Variants in ABCA6 observed in about 807,000 individuals in gnomAD.
The protein encoded by ABCA6 is ATP-binding cassette sub-family A member 6.
In ABCA6, 164 loss-of-function variants were observed where a neutral mutation model predicts 191.2. That is an observed-to-expected ratio of 0.86 (90% CI 0.76 to 0.98). The LOEUF is 0.98. ABCA6 is among the 50% of genes least tolerant of loss of function. ABCA6 has a pLI of 0.00. For synonymous variants in ABCA6, 636 were observed against 647.7 expected (o/e 0.98, Z 0.27); for missense variants, 1,958 against 1,894.1 (o/e 1.03, Z -0.63).
intron 13 of ABCA6, among the ~76,000 whole-genome samples, chr17:69,114,487 C>G (rs1431113939): frequency 1.3e-5 from 2 of 151,990 alleles, no homozygotes; most frequent in Non-Finnish European, 2.9e-5. Flanking sequence ...CTGGGTGCAG[C>G]ACACCAACAT....
chr17:69,102,867 T>A lies in ABCA6; in HGVS notation c.2842A>T (p.Asn948Tyr), dbSNP rs1373264656. Residue 948 changes from asparagine (N) to tyrosine (Y), a missense_variant, in exon 21 of 39, where the codon AAT (asparagine) becomes TAT (tyrosine). Transcript: ENST00000284425. ...TTACCAGAAACTATGATAGCTCCATTGTATGAGAGGCCATCAGTACCATTT... is the reference window on the plus strand; with the variant it reads ...TTACCAGAAACTATGATAGCTCCATAGTATGAGAGGCCATCAGTACCATTT... ...NRNGTDGLSYNGAIIVSGKQK... is the reference protein window; with the variant it reads ...NRNGTDGLSYYGAIIVSGKQK... 1.3e-6 allele frequency: 2 copies of A among 1,594,326 alleles called. No individual in the cohort carries two copies. The highest frequency in any genetic ancestry group is 1.7e-6 in the Non-Finnish European group (2 of 1,174,426).
chr17:69,078,856 T>C lies in ABCA6; in HGVS notation c.*117A>G, dbSNP rs1174334700. The C allele has an allele frequency of 8.2e-6, 5 of 607,412 alleles. No homozygotes were observed. In the African/African-American group the frequency reaches 9.6e-5, roughly 12 times the overall value. 37.6% of individuals were successfully genotyped at this position (607,412 alleles called of 1,614,324 possible). ...AAAATTTATGTATTTGTTAACTAAA[T>C]TTACAAAATATACCTGATGTTAATT... On this transcript the variant is annotated 3_prime_UTR_variant, in exon 39 of 39. Coordinates refer to ENST00000284425, the MANE Select transcript of ABCA6 (RefSeq NM_080284.3).
Position 69,106,211 on chromosome 17 carries a change from T to C in ABCA6, c.2390A>G (p.Asp797Gly). The C allele has an allele frequency of 6.2e-7, 1 of 1,610,504 alleles. No individual in the cohort carries two copies. The highest frequency in any genetic ancestry group is 8.5e-7 in the Non-Finnish European group (1 of 1,178,708). The change falls in exon 19 of 39, where the codon GAT becomes GGT. Residue 797 changes from aspartate (D) to glycine (G), a missense_variant and splice_region_variant. Transcript: ENST00000284425. Reference protein sequence around the residue: ...KLEGQSTIEQDFEQVEMIRDS... With the variant: ...KLEGQSTIEQGFEQVEMIRDS... ...TCTTATCATCTCCACTTGTTCGAAA[T>C]CTATAAACACACACATACACAAACA...
intron 25 of ABCA6, chr17:69,094,384 G>A (rs2073000513): frequency 6.6e-6 from 1 of 152,294 alleles, no homozygotes; most frequent in Non-Finnish European, 1.5e-5. Context: ...ATGGGAAAAT[G>A]GTTTCTGCTC....
intron 13 of ABCA6, among the ~76,000 whole-genome samples, chr17:69,114,445 A>T (rs542742269): frequency 7.9e-5 from 12 of 151,818 alleles, no homozygotes; most frequent in African/African-American, 2.7e-4. Context: ...GGATAGCATT[A>T]GGAGATATAC....
rs1321177050 is a variant in ABCA6 at position 69,105,629 on chromosome 17, C to A, written c.2574-1G>T. 5 of 1,464,928 alleles carry A rather than the reference C, an allele frequency of 3.4e-6. No individual in the cohort carries two copies. In the Admixed American group the frequency reaches 8.1e-5, roughly 24 times the overall value. 90.7% of individuals were successfully genotyped at this position (1,464,928 alleles called of 1,614,324 possible). On this transcript the variant is annotated splice_acceptor_variant, in intron 19 of 38. Transcript: ENST00000284425. LOFTEE classifies it high-confidence loss of function. The stretch of plus-strand genomic sequence containing the variant: ...TATTGCGATTCCAAATACCAATAAT[C>A]TAAACAATAAAGAAAAATTAGCATA...
Position 69,106,044 on chromosome 17 carries a change from T to C in ABCA6, c.2557A>G (p.Lys853Glu), listed in dbSNP as rs751442270. 1.2e-6 allele frequency: 2 copies of C among 1,612,080 alleles called. No individual in the cohort carries two copies. The highest frequency in any genetic ancestry group is 8.5e-7 in the Non-Finnish European group (1 of 1,179,082). The change falls in exon 19 of 39, where the codon AAA (lysine) becomes GAA (glutamate). Residue 853 changes from lysine to glutamate, a missense_variant. Physicochemically the swap from Lys to Glu is moderately conservative, Grantham distance 56. Coordinates refer to ENST00000284425, the MANE Select transcript of ABCA6 (RefSeq NM_080284.3). ...LRFLKLKRQT[K>E]VLLTLLLVFG... The stretch of plus-strand genomic sequence containing the variant: ...CCTACTCACAGGGTCAATAACACTT[T>C]AGTTTGACGTTTTAACTTTAAGAAA...
chr17:69,122,355 A>T (rs1375033183), intron 10 of ABCA6, among the ~76,000 whole-genome samples: 2 of 152,078 alleles, frequency 1.3e-5, no homozygotes, highest in Non-Finnish European at 2.9e-5. Context: ...TTTGTAGAAA[A>T]ATCTACAAAG....
At chr17:69,101,017 G>A in intron 21 of ABCA6, 83 bp from the exon 22 acceptor site, 3 of 1,164,004 alleles carry the variant, frequency 2.6e-6, no homozygotes, top group African/African-American at 3.1e-5. Context: ...GATCCTAACA[G>A]TGCCACATGC....
intron 27 of ABCA6, 41 bp downstream of exon 27, chr17:69,089,424 C>A: frequency 1.3e-6 from 2 of 1,555,842 alleles, no homozygotes; most frequent in South Asian, 2.2e-5. Context: ...GAATGACAGT[C>A]ATCCAAAAGA....
At chr17:69,116,631 G>T (rs1033642093) in intron 11 of ABCA6, among the ~76,000 whole-genome samples, 1 of 152,032 alleles carries the variant, frequency 6.6e-6, no homozygotes, top group East Asian at 1.9e-4. Flanking sequence ...TCATACATTG[G>T]TGTGTTAATA....
At chr17:69,093,794 A>T (rs952422583) in intron 25 of ABCA6, among the ~76,000 whole-genome samples, 1 of 152,230 alleles carries the variant, frequency 6.6e-6, no homozygotes, top group Non-Finnish European at 1.5e-5. Flanking sequence ...AAATATGTAG[A>T]TTCCTTTCAG....
chr17:69,103,736 G>A (rs893241533), intron 20 of ABCA6, among the ~76,000 whole-genome samples: 7 of 152,040 alleles, frequency 4.6e-5, no homozygotes, highest in East Asian at 1.9e-4. Flanking sequence ...AAGATGACCC[G>A]TCAGGCCCCT....
chr17:69,123,296 G>T lies in ABCA6; in HGVS notation c.1379C>A (p.Pro460His). ...VIEKEIDAEH[P>H]SDDYFEPVAP... Reference sequence around the variant, plus strand: ...TACTGGTTCAAAATAATCATCAGAGGGATGCTCAGCATCGATTTCTTTCTC... The same window carrying T: ...TACTGGTTCAAAATAATCATCAGAGTGATGCTCAGCATCGATTTCTTTCTC... The change falls in exon 10 of 39, where the codon CCC (proline) becomes CAC (histidine). Residue 460 changes from proline (P) to histidine (H), a missense_variant. By Grantham distance (77) the Pro-to-His change is moderately conservative. Transcript: ENST00000284425. 2 of 1,561,660 alleles carry T rather than the reference G, an allele frequency of 1.3e-6. No individual in the cohort carries two copies. Among genetic ancestry groups the T allele is most frequent in the Non-Finnish European group, 1.7e-6 (2 of 1,147,898 alleles).
intron 27 of ABCA6, 127 bp from the exon 28 acceptor site, chr17:69,088,385 G>T: frequency 4.5e-6 from 3 of 671,900 alleles, no homozygotes; most frequent in Non-Finnish European, 7.1e-6. Context: ...AGCTGGGGGA[G>T]AAATGTAGCT....
chr17:69,130,088 G>A (rs1418454377), intron 6 of ABCA6, among the ~76,000 whole-genome samples: 1 of 152,028 alleles, frequency 6.6e-6, no homozygotes, highest in African/African-American at 2.4e-5. Flanking sequence ...GGCTGAGGTG[G>A]GCAGATCATT....
At position 69,140,760 on chromosome 17, in the gene ABCA6, T is replaced by G; in HGVS notation, c.-45-12A>C. 1.7e-6 allele frequency: 2 copies of G among 1,162,526 alleles called. No homozygotes were observed. The highest frequency in any genetic ancestry group is 2.4e-6 in the Non-Finnish European group (2 of 842,830). The allele number at this position is 1,162,526 out of a possible 1,614,324, so 72.0% of individuals were successfully genotyped here. A position where few individuals can be genotyped will look rare whatever the true frequency, so the allele number is the denominator to read the frequency against. On this transcript the variant is annotated splice_polypyrimidine_tract_variant and intron_variant, in intron 1 of 38. Transcript: ENST00000284425. ...TGGTGGAACACAACCTAGAAAAAAA[T>G]AAGTGTAATAAGAAAAACCTTGATC...
intron 18 of ABCA6, among the ~76,000 whole-genome samples, chr17:69,106,753 A>G (rs1174400779): frequency 6.6e-6 from 1 of 152,112 alleles, no homozygotes; most frequent in African/African-American, 2.4e-5. Context: ...AATGGTGATA[A>G]AAAATTAAAA....
chr17:69,087,328 T>A (rs774777364), intron 29 of ABCA6, 25 bp downstream of exon 29: 1 of 1,607,550 alleles, frequency 6.2e-7, no homozygotes, highest in South Asian at 1.1e-5. Context: ...TCCATTAATA[T>A]CCATTTTGCC....
Sources: gnomAD v4.1 joint callset for allele counts (sites outside exome capture counted in the v4.1 genomes callset) on GRCh38, gnomAD v4.1.1 for gene constraint, MANE v1.5 for transcripts, NCBI Gene and HGNC (gene_info 2026-07-23, HGNC 2026-07-21) for gene names.